The following NOX4 variants were observed in gnomAD, a reference collection of about 807,000 sequenced individuals.
NOX4 encodes NADPH oxidase 4.
Under a neutral mutation model 87.6 loss-of-function variants are expected in NOX4, and 69 were observed. The observed-to-expected ratio is 0.79, with a 90% CI of 0.65 to 0.96. The LOEUF (loss-of-function observed/expected upper bound fraction) is 0.96. Among genes scored for constraint, NOX4 ranks in the 40% least tolerant of loss-of-function variants. The pLI is 0.00. For synonymous variants in NOX4, 275 were observed against 238.2 expected (o/e 1.15, Z -1.42); for missense variants, 680 against 681.5 (o/e 1.00, Z 0.02).
At chr11:89,557,871 C>T in the NOX4 span, among the ~76,000 whole-genome samples, 2 of 152,214 alleles carry the variant, frequency 1.3e-5, no homozygotes, top group African/African-American at 4.8e-5. Flanking sequence ...GTTGAACTAA[C>T]TTGTCTCCAA....
At chr11:89,578,222 C>T in the NOX4 span, among the ~76,000 whole-genome samples, 9 of 150,488 alleles carry the variant, frequency 6.0e-5, no homozygotes, top group South Asian at 2.1e-4. Context: ...AGTGCCGTGG[C>T]GTGATCACGG....
intron 8 of NOX4, among the ~76,000 whole-genome samples, chr11:89,414,476 T>C (rs995455015): frequency 4.6e-5 from 7 of 151,962 alleles, no homozygotes; most frequent in Non-Finnish European, 1.0e-4. Context: ...AATCCTTTTA[T>C]AAAGACACAC....
intron 16 of NOX4, 191 bp from the exon 17 acceptor site, chr11:89,336,136 A>C (rs896168223): frequency 1.2e-5 from 5 of 400,540 alleles, no homozygotes; most frequent in Non-Finnish European, 2.3e-5. Context: ...AAAATTCATT[A>C]TCTCCTTGAA....
Position 89,459,882 on chromosome 11 carries a change from G to C in NOX4, c.154-7987C>G, listed in dbSNP as rs534017944. On this transcript the variant is annotated intron_variant, in intron 2 of 17. Transcript: ENST00000263317. The stretch of plus-strand genomic sequence containing the variant: ...ATCCTAAGCCAAAAGAACAAAGCTG[G>C]AGGCATCACACTACTTGACTTCAAA... 2.0e-5 allele frequency among the ~76,000 whole-genome samples: 3 copies of C among 152,258 alleles called. No individual in the cohort carries two copies. In the South Asian group the frequency reaches 6.2e-4, roughly 32 times the overall value.
At chr11:89,433,218 A>ACATT (rs1943903178) in intron 6 of NOX4, among the ~76,000 whole-genome samples, 1 of 152,112 alleles carries the variant, frequency 6.6e-6, no homozygotes, top group Non-Finnish European at 1.5e-5. Flanking sequence ...AGCATATAAT[A>ACATT]CATTATTGCT....
At chr11:89,349,039 A>G (rs995523770) in intron 13 of NOX4, among the ~76,000 whole-genome samples, 1 of 152,204 alleles carries the variant, frequency 6.6e-6, no homozygotes, top group African/African-American at 2.4e-5. Flanking sequence ...CTGTAATCCC[A>G]GCATTTTGGG....
intron 17 of NOX4, among the ~76,000 whole-genome samples, chr11:89,332,712 G>A (rs1448937915): frequency 6.6e-6 from 1 of 151,798 alleles, no homozygotes; most frequent in Non-Finnish European, 1.5e-5. Flanking sequence ...ACTATGCCCT[G>A]CTGTAAAGCA....
At chr11:89,458,139 C>T (rs1346883251) in intron 2 of NOX4, among the ~76,000 whole-genome samples, 1 of 152,164 alleles carries the variant, frequency 6.6e-6, no homozygotes, top group Non-Finnish European at 1.5e-5. Flanking sequence ...GGAGGCCTCA[C>T]ATTACCTGAC....
chr11:89,458,997 A>T (rs780900654), intron 2 of NOX4, among the ~76,000 whole-genome samples: 7 of 152,202 alleles, frequency 4.6e-5, no homozygotes, highest in African/African-American at 1.2e-4. Flanking sequence ...ATAAAGACAC[A>T]TGCACACATA....
intron 6 of NOX4, among the ~76,000 whole-genome samples, chr11:89,437,007 G>A (rs1944110169): frequency 6.6e-6 from 1 of 151,484 alleles, no homozygotes; most frequent in Non-Finnish European, 1.5e-5. Context: ...AACACACAGA[G>A]ATAGAAGACT....
chr11:89,545,638 G>A, the NOX4 span: 1 of 150,774 alleles, frequency 6.6e-6, no homozygotes, highest in East Asian at 2.0e-4. Flanking sequence ...AAATATGGTT[G>A]AGGCATTGTA....
intron 11 of NOX4, among the ~76,000 whole-genome samples, chr11:89,374,178 A>T (rs7112420): frequency 0.016 from 2,421 of 152,232 alleles, 63 homozygotes; most frequent in African/African-American, 0.056. Context: ...TGTTTTCTGG[A>T]TTCCTACTCA....
chr11:89,497,215 G>C (rs1208457865), upstream of NOX4, among the ~76,000 whole-genome samples: 1 of 152,142 alleles, frequency 6.6e-6, no homozygotes, highest in East Asian at 1.9e-4. Flanking sequence ...TATCATTTGT[G>C]CTTTATCTTG....
At chr11:89,434,276 A>C (rs1943970564) in intron 6 of NOX4, among the ~76,000 whole-genome samples, 2 of 152,060 alleles carry the variant, frequency 1.3e-5, no homozygotes, top group African/African-American at 4.8e-5. Context: ...AAAGCACCAC[A>C]TGAAAAATAA....
intron 7 of NOX4, among the ~76,000 whole-genome samples, chr11:89,430,294 A>G (rs1240762300): frequency 6.6e-6 from 1 of 152,198 alleles, no homozygotes. Flanking sequence ...AAACTGGCAC[A>G]AGACAGGGAT....
At chr11:89,425,940 A>C (rs1943372778) in intron 7 of NOX4, among the ~76,000 whole-genome samples, 1 of 152,094 alleles carries the variant, frequency 6.6e-6, no homozygotes. Context: ...ATTAGAGGAA[A>C]TATATCTTAT....
At chr11:89,554,348 C>G in the NOX4 span, among the ~76,000 whole-genome samples, 1 of 151,962 alleles carries the variant, frequency 6.6e-6, no homozygotes, top group African/African-American at 2.4e-5. Context: ...GTTTTATATT[C>G]CATCCTAGCT....
At chr11:89,473,958 A>C (rs944923920) in intron 2 of NOX4, among the ~76,000 whole-genome samples, 2 of 152,206 alleles carry the variant, frequency 1.3e-5, no homozygotes, top group Admixed American at 1.3e-4. Flanking sequence ...AATTTGGTAC[A>C]GACTATTTTC....
chr11:89,525,719 T>A, the NOX4 span, among the ~76,000 whole-genome samples: 1 of 152,216 alleles, frequency 6.6e-6, no homozygotes, highest in African/African-American at 2.4e-5. Context: ...AAGTTTTAAT[T>A]GTTTTAAAAG....
Sources: allele counts gnomAD v4.1 joint callset (sites outside exome capture counted in the v4.1 genomes callset), GRCh38; gene constraint gnomAD v4.1.1; transcripts MANE v1.5; gene names NCBI Gene and HGNC (gene_info 2026-07-23, HGNC 2026-07-21).